POLN: variants seen among roughly 807,000 people sequenced by gnomAD.
POLN encodes the protein DNA polymerase nu.
POLN carries 108 observed loss-of-function variants against 113.5 expected under a neutral mutation model. The observed-to-expected ratio is 0.95, with a 90% confidence interval of 0.81 to 1.12. The LOEUF is 1.12. Ranked by LOEUF, POLN falls within the 50% of genes most tolerant of loss-of-function variation. The pLI is 0.00. For synonymous variants in POLN, 386 were observed against 391.5 expected, an observed-to-expected ratio of 0.99 and a Z score of 0.17; for missense variants, 1,097 against 1,077.1, an observed-to-expected ratio of 1.02 and a Z score of -0.26.
At chr4:2,193,650 GC>G (rs1733508389) in intron 6 of POLN, among the ~76,000 whole-genome samples, 1 of 152,140 alleles carries the variant, frequency 6.6e-6, no homozygotes, top group Non-Finnish European at 1.5e-5. Context: ...TGACTCTCTA[GC>G]CCGTTCTCCC....
In POLN at chr4:2,229,160, A is replaced by C. The variant is rs1368137211; in HGVS notation, c.72T>G (p.Ile24Met). ...NTPLSSVAQK[I>M]MSAMHSGDLV... The stretch of plus-strand genomic sequence containing the variant: ...AATCACCTGAATGCATAGCAGACAT[A>C]ATCTTCTGAGCAACACTGGAGAGCG... Residue 24 changes from isoleucine (I) to methionine (M), a missense_variant, in exon 3 of 26, where the codon ATT (isoleucine) becomes ATG (methionine). Ile to Met is a conservative substitution (Grantham distance 10, BLOSUM62 1). Coordinates refer to ENST00000511885, the MANE Select transcript of POLN (RefSeq NM_181808.4). 6.2e-7 allele frequency: 1 copy of C among 1,610,764 alleles called. No individual in the cohort carries two copies. The highest frequency in any genetic ancestry group is 1.3e-5 in the African/African-American group (1 of 74,848).
At chr4:2,113,909 T>C (rs1731258802) in intron 19 of POLN, among the ~76,000 whole-genome samples, 2 of 147,056 alleles carry the variant, frequency 1.4e-5, no homozygotes, top group South Asian at 4.2e-4. Context: ...AATAATGTCT[T>C]TTTTTTTTGA....
chr4:2,143,426 C>T (rs1401423480), intron 16 of POLN, among the ~76,000 whole-genome samples: 2 of 152,010 alleles, frequency 1.3e-5, no homozygotes, highest in African/African-American at 2.4e-5. Flanking sequence ...ATCACACGCA[C>T]GTAAATTTCA....
At chr4:2,140,316 A>G (rs1031287098) in intron 16 of POLN, among the ~76,000 whole-genome samples, 3 of 152,030 alleles carry the variant, frequency 2.0e-5, no homozygotes, top group Non-Finnish European at 2.9e-5. Context: ...TGAACTTATG[A>G]TCCACCCGCC....
chr4:2,225,851 A>G (rs1223273207), intron 3 of POLN, among the ~76,000 whole-genome samples: 3 of 151,988 alleles, frequency 2.0e-5, no homozygotes, highest in African/African-American at 4.8e-5. Flanking sequence ...AAAATAAAAA[A>G]TTAGCCAGAC....
chr4:2,203,578 T>TAAAAAAAAAAAA (rs775806584), intron 5 of POLN, among the ~76,000 whole-genome samples: 1 of 116,240 alleles, frequency 8.6e-6, no homozygotes. Context: ...AGACTCTGTC[T>TAAAAAAAAAAAA]AAAAAAAAAA....
intron 11 of POLN, among the ~76,000 whole-genome samples, chr4:2,171,873 A>C (rs1732870325): frequency 6.6e-6 from 1 of 152,230 alleles, no homozygotes; most frequent in Non-Finnish European, 1.5e-5. Flanking sequence ...ACAAACTTAA[A>C]GTAGTAAAAA....
At chr4:2,163,515 C>T (rs1406381696) in intron 13 of POLN, among the ~76,000 whole-genome samples, 3 of 152,240 alleles carry the variant, frequency 2.0e-5, no homozygotes, top group African/African-American at 7.2e-5. Flanking sequence ...CGCTCTGCGC[C>T]GGCTGCAGAC....
intron 16 of POLN, among the ~76,000 whole-genome samples, chr4:2,142,344 G>A (rs1203237512): frequency 1.3e-5 from 2 of 152,226 alleles, no homozygotes; most frequent in African/African-American, 4.8e-5. Flanking sequence ...TAAGTAGCAA[G>A]AGGTGCTGGG....
At chr4:2,090,384 T>C in intron 20 of POLN, 2 of 661,744 alleles carry the variant, frequency 3.0e-6, no homozygotes, top group Admixed American at 5.1e-5. Flanking sequence ...AAAAACGAGC[T>C]TGATTAAATC....
rs765497588 is a variant in POLN at position 2,129,182 on chromosome 4, C to G, written c.1864G>C (p.Ala622Pro). 1.3e-6 allele frequency: 2 copies of G among 1,580,492 alleles called. No homozygotes were observed. The highest frequency in any genetic ancestry group is 1.7e-6 in the Non-Finnish European group (2 of 1,149,820). Reference sequence around the variant, plus strand: ...AAAGCAAGCTACAGCAACGTACCTGCTGCTAGAAAGGTGTGGCCTTTGGAT... The same window carrying G: ...AAAGCAAGCTACAGCAACGTACCTGGTGCTAGAAAGGTGTGGCCTTTGGAT... ...VSSKGHTFLA[A>P]DFSQIELRIL... Residue 622 changes from alanine (A) to proline (P), a missense_variant, in exon 18 of 26, where the codon GCA becomes CCA. Ala to Pro is a conservative substitution (Grantham distance 27). Coordinates refer to ENST00000511885, the MANE Select transcript of POLN (RefSeq NM_181808.4).
chr4:2,080,761 CGCTGGTGGATG>C, intron 23 of POLN, 186 bp downstream of exon 23: 2 of 1,452,986 alleles, frequency 1.4e-6, no homozygotes, highest in South Asian at 2.8e-5. Context: ...CTGCACCCCA[CGCTGGTGGATG>C]GCTGGTTGTT....
intron 23 of POLN, chr4:2,079,530 G>A: frequency 4.1e-6 from 4 of 985,774 alleles, no homozygotes; most frequent in Non-Finnish European, 4.8e-6. Flanking sequence ...GTGCACGTGT[G>A]TGTTGGGAAT....
At chr4:2,216,689 C>A (rs1056297187) in intron 3 of POLN, among the ~76,000 whole-genome samples, 2 of 152,230 alleles carry the variant, frequency 1.3e-5, no homozygotes, top group African/African-American at 4.8e-5. Context: ...ATGGGAAAGG[C>A]AAACCCATGC....
intron 19 of POLN, among the ~76,000 whole-genome samples, chr4:2,119,230 G>C (rs1221328301): frequency 6.6e-6 from 1 of 152,208 alleles, no homozygotes; most frequent in Non-Finnish European, 1.5e-5. Context: ...CTAAGTTTCA[G>C]TCTGAAAATG....
chr4:2,181,760 C>T (rs965924206), intron 7 of POLN, among the ~76,000 whole-genome samples: 17 of 151,912 alleles, frequency 1.1e-4, no homozygotes, highest in Admixed American at 1.3e-4. Context: ...AGGCAGATCA[C>T]GAGGTCAGGA....
intron 6 of POLN, among the ~76,000 whole-genome samples, chr4:2,197,964 C>T (rs1377884125): frequency 6.6e-6 from 1 of 152,192 alleles, no homozygotes; most frequent in Non-Finnish European, 1.5e-5. Flanking sequence ...CAAGATCCAT[C>T]CCAGAAAGGG....
Position 2,078,571 on chromosome 4 carries a change from G to C in POLN, c.2387+2387C>G, listed in dbSNP as rs116705469. ...CTCTAGGGGCACCGTGTGCCTCCCA[G>C]TGATCGAGTTTCATGCCTGCTGCTT... On this transcript the variant is annotated intron_variant, in intron 23 of 25. Coordinates refer to ENST00000511885, the MANE Select transcript of POLN (RefSeq NM_181808.4). The C allele has an allele frequency of 9.5e-4, 934 of 985,008 alleles. 13 individuals carry two copies. The African/African-American group carries it at 0.015, about 16-fold the overall frequency. The allele number at this position is 985,008 out of a possible 1,614,324, so 61.0% of individuals were successfully genotyped here. A position where few individuals can be genotyped will look rare whatever the true frequency, so the allele number is the denominator to read the frequency against.
At chr4:2,179,520 C>G (rs1733081508) in intron 7 of POLN, 55 bp from the exon 8 acceptor site, 1 of 1,548,132 alleles carries the variant, frequency 6.5e-7, no homozygotes, top group South Asian at 1.2e-5. Context: ...GTTGTTTTTC[C>G]TGCTTTGACA....
Sources: gnomAD v4.1 joint callset for allele counts (sites outside exome capture counted in the v4.1 genomes callset) on GRCh38, gnomAD v4.1.1 for gene constraint, MANE v1.5 for transcripts, NCBI Gene and HGNC (gene_info 2026-07-23, HGNC 2026-07-21) for gene names.